The following ZNF827 variants were observed in gnomAD, a reference collection of about 807,000 sequenced individuals.
The protein encoded by ZNF827 is zinc finger protein 827.
Under a neutral mutation model 102.4 loss-of-function variants are expected in ZNF827, and 13 were observed. That is an observed-to-expected ratio of 0.13 (90% CI 0.08 to 0.20). ZNF827 has a LOEUF of 0.20. Ranked by LOEUF, ZNF827 falls within the 10% of genes least tolerant of loss-of-function variation. The probability of loss-of-function intolerance (pLI) is 1.00; values close to 1 mark genes in which losing one functional copy is unlikely to be tolerated. For missense variants in ZNF827, 1,103 were observed against 1,344.4 expected (o/e 0.82, Z 2.81); for synonymous variants, 523 against 536.2 (o/e 0.98, Z 0.34).
At chr4:145,917,384 T>G (rs1369443436) in intron 1 of ZNF827, among the ~76,000 whole-genome samples, 2 of 152,150 alleles carry the variant, frequency 1.3e-5, no homozygotes, top group Non-Finnish European at 2.9e-5. Flanking sequence ...TCTTGCTGCA[T>G]CATAACATAG....
intron 11 of ZNF827, among the ~76,000 whole-genome samples, chr4:145,767,824 C>G (rs538044486): frequency 6.6e-6 from 1 of 152,214 alleles, no homozygotes; most frequent in East Asian, 1.9e-4. Flanking sequence ...TGAAGGAATT[C>G]ATCACCAGCA....
At chr4:145,929,098 A>G (rs1753631744) in intron 1 of ZNF827, among the ~76,000 whole-genome samples, 1 of 152,200 alleles carries the variant, frequency 6.6e-6, no homozygotes, top group African/African-American at 2.4e-5. Flanking sequence ...GGCAAAACAC[A>G]TTACTATGGC....
At chr4:145,836,087 C>A (rs1371694055) in intron 7 of ZNF827, among the ~76,000 whole-genome samples, 1 of 152,028 alleles carries the variant, frequency 6.6e-6, no homozygotes, top group Non-Finnish European at 1.5e-5. Flanking sequence ...TCAAGCTCAG[C>A]AAATTACCTA....
rs780255168 is a variant in ZNF827 at position 145,805,493 on chromosome 4, CA to C, written c.2383+17928del. 3.3e-5 allele frequency among the ~76,000 whole-genome samples: 5 copies of C among 152,270 alleles called. No individual in the cohort carries two copies. In the South Asian group the frequency reaches 8.3e-4, roughly 25 times the overall value. ...ATTAACTAATTATTAAAGGAACATG[CA>C]CAGATTCCATCCACTATAAAAATTC... On this transcript the variant is annotated intron_variant, in intron 8 of 14. Transcript: ENST00000508784.
intron 7 of ZNF827, among the ~76,000 whole-genome samples, chr4:145,837,715 A>G (rs1015812897): frequency 2.0e-5 from 3 of 152,202 alleles, no homozygotes; most frequent in South Asian, 2.1e-4. Flanking sequence ...CTAATCAGAT[A>G]TCCTGAGTCA....
chr4:145,807,625 C>T (rs947613911), intron 8 of ZNF827, among the ~76,000 whole-genome samples: 1 of 151,874 alleles, frequency 6.6e-6, no homozygotes, highest in African/African-American at 2.4e-5. Context: ...GCGCCCACCA[C>T]CACGCCCAGC....
chr4:145,888,569 T>G (rs914263237), intron 3 of ZNF827, among the ~76,000 whole-genome samples: 16 of 152,198 alleles, frequency 1.1e-4, no homozygotes. Context: ...GGGGAAATTT[T>G]GGGAAACCTC....
intron 8 of ZNF827, among the ~76,000 whole-genome samples, chr4:145,813,029 T>G (rs915086144): frequency 1.3e-5 from 2 of 152,246 alleles, no homozygotes; most frequent in African/African-American, 4.8e-5. Context: ...CATCCCATTC[T>G]GTCCTACCTG....
intron 1 of ZNF827, among the ~76,000 whole-genome samples, chr4:145,930,862 T>C (rs1753752655): frequency 6.6e-6 from 1 of 152,152 alleles, no homozygotes; most frequent in African/African-American, 2.4e-5. Context: ...TGCGCGCGCA[T>C]GTGTGTACAT....
At chr4:145,937,496 T>C (rs370574332) in intron 1 of ZNF827, among the ~76,000 whole-genome samples, 19 of 148,656 alleles carry the variant, frequency 1.3e-4, no homozygotes, top group East Asian at 1.2e-3. Context: ...CCTCCTGCCT[T>C]CGCCTCGGCG....
chr4:145,777,788 T>C (rs1039513522), intron 9 of ZNF827, among the ~76,000 whole-genome samples: 1 of 152,178 alleles, frequency 6.6e-6, no homozygotes, highest in African/African-American at 2.4e-5. Flanking sequence ...CTAATTAAAA[T>C]GTTTACCTCT....
intron 1 of ZNF827, among the ~76,000 whole-genome samples, chr4:145,911,428 A>G (rs1752283375): frequency 6.6e-6 from 1 of 152,214 alleles, no homozygotes. Context: ...AATATCTAGC[A>G]CAATGCCAAG....
At chr4:145,933,967 A>C (rs1171310688) in intron 1 of ZNF827, among the ~76,000 whole-genome samples, 3 of 152,214 alleles carry the variant, frequency 2.0e-5, no homozygotes, top group Non-Finnish European at 4.4e-5. Context: ...AAACTTTTTA[A>C]AGTTATCCAG....
chr4:145,867,803 G>A (rs1408053838), intron 5 of ZNF827, among the ~76,000 whole-genome samples: 2 of 152,188 alleles, frequency 1.3e-5, no homozygotes, highest in African/African-American at 4.8e-5. Context: ...AAGCTTTGGG[G>A]GTATCAGCCA....
intron 5 of ZNF827, among the ~76,000 whole-genome samples, chr4:145,862,806 A>G (rs1486531114): frequency 6.6e-6 from 1 of 152,236 alleles, no homozygotes; most frequent in East Asian, 1.9e-4. Context: ...TCCTTTTAAT[A>G]TTAAACAAGT....
chr4:145,770,299 A>AAAATAAATAAATAAATAAAT (rs150231954), intron 11 of ZNF827, among the ~76,000 whole-genome samples: 1 of 87,210 alleles, frequency 1.1e-5, no homozygotes, highest in African/African-American at 3.1e-5. Context: ...ACCCTGTCTT[A>AAAATAAATAAATAAATAAAT]AAATAAATAA....
At chr4:145,905,073 G>A (rs1211909749) in intron 1 of ZNF827, among the ~76,000 whole-genome samples, 2 of 152,150 alleles carry the variant, frequency 1.3e-5, no homozygotes, top group Non-Finnish European at 2.9e-5. Context: ...TGTTTACATT[G>A]GTTTTATATT....
chr4:145,829,468 A>T (rs551667931), intron 7 of ZNF827, among the ~76,000 whole-genome samples: 11 of 152,360 alleles, frequency 7.2e-5, no homozygotes, highest in African/African-American at 2.6e-4. Flanking sequence ...TCATATATTC[A>T]GCCATATATT....
intron 10 of ZNF827, among the ~76,000 whole-genome samples, chr4:145,775,187 C>T (rs1243479854): frequency 6.6e-6 from 1 of 152,136 alleles, no homozygotes; most frequent in Admixed American, 6.6e-5. Context: ...TAGAAGCCAC[C>T]CACTGCTAGA....
Sources: gnomAD v4.1 joint callset for allele counts (sites outside exome capture counted in the v4.1 genomes callset) on GRCh38, gnomAD v4.1.1 for gene constraint, MANE v1.5 for transcripts, NCBI Gene and HGNC (gene_info 2026-07-23, HGNC 2026-07-21) for gene names.